The following NSMAF variants were observed in gnomAD, a reference collection of about 807,000 sequenced individuals.
The protein encoded by NSMAF is protein FAN.
A neutral mutation model predicts 134.9 loss-of-function variants in NSMAF; 90 were observed. The observed-to-expected ratio is 0.67, with a 90% CI of 0.56 to 0.79. The LOEUF is 0.79. Ranked by LOEUF, NSMAF falls within the 30% of genes least tolerant of loss-of-function variation. The pLI is 0.00. For synonymous variants in NSMAF, 358 were observed against 389.6 expected (o/e 0.92, Z 0.96); for missense variants, 1,010 against 1,119.0 (o/e 0.90, Z 1.39).
In NSMAF at chr8:58,597,948, T is replaced by A. The variant is rs377706660; in HGVS notation, c.1586-46A>T. 4 of 1,338,016 alleles carry A rather than the reference T, an allele frequency of 3.0e-6. No homozygotes were observed. In the African/African-American group the frequency reaches 5.8e-5, roughly 19 times the overall value. 82.9% of individuals were successfully genotyped at this position (1,338,016 alleles called of 1,614,324 possible). On this transcript the variant is annotated intron_variant, in intron 19 of 30. Coordinates refer to ENST00000038176, the MANE Select transcript of NSMAF (RefSeq NM_003580.4). Reference sequence around the variant, plus strand: ...ACTATTGAAAGATGTGCTATTTCAATGTAATATACACTGTTTAGAACCTAA... The same window carrying A: ...ACTATTGAAAGATGTGCTATTTCAAAGTAATATACACTGTTTAGAACCTAA...
intron 11 of NSMAF, among the ~76,000 whole-genome samples, chr8:58,607,368 C>G (rs992075243): frequency 2.0e-5 from 3 of 152,164 alleles, no homozygotes; most frequent in Non-Finnish European, 2.9e-5. Flanking sequence ...ATACTAGTTC[C>G]ACTAAAGAAG....
rs1806216897 is a variant in NSMAF, at chr8:58,599,263, T to C, written c.1554A>G (p.Gln518=). 1 of 1,614,038 alleles carries C rather than the reference T, an allele frequency of 6.2e-7. No individual in the cohort carries two copies. Among genetic ancestry groups the C allele is most frequent in the African/African-American group, 1.3e-5 (1 of 75,050 alleles). The stretch of plus-strand genomic sequence containing the variant: ...GGGCCCCAACTGCATCACTCCCTTT[T>C]TGTTTGTAGCCAAATATTAGATCAA... ...EWIDLIFGYK[Q]KGSDAVGAHN... is the part of the protein sequence containing the mutation. The change falls in exon 19 of 31, where the codon CAA becomes CAG. Residue 518 remains glutamine, a synonymous_variant. Transcript: ENST00000038176.
chr8:58,627,935 C>T lies in NSMAF; in HGVS notation c.384+3561G>A, dbSNP rs190084106. ...AAGAGCCCAAATAGCCAAAGCAGTA[C>T]TAAGCAAAAAGAACAAATCTGGGGG... On this transcript the variant is annotated intron_variant, in intron 6 of 30. Coordinates refer to ENST00000038176, the MANE Select transcript of NSMAF (RefSeq NM_003580.4). Among the ~76,000 whole-genome samples the T allele has an allele frequency of 2.8e-3, 421 of 152,266 alleles. 2 individuals carry two copies. The highest frequency in any genetic ancestry group is 3.9e-3 in the Non-Finnish European group (267 of 68,006).
intron 6 of NSMAF, among the ~76,000 whole-genome samples, chr8:58,629,865 C>A (rs1050634413): frequency 6.6e-6 from 1 of 152,166 alleles, no homozygotes; most frequent in African/African-American, 2.4e-5. Context: ...GTCTGCTGTA[C>A]CACAGGTCCT....
At chr8:58,584,346 A>G (rs1805835411) in intron 30 of NSMAF, 146 bp from the exon 31 acceptor site, 3 of 622,680 alleles carry the variant, frequency 4.8e-6, no homozygotes, top group Non-Finnish European at 8.6e-6. Context: ...TTCCTATAAT[A>G]AAACCCTTGA....
At chr8:58,609,389 T>A (rs1031028822) in intron 10 of NSMAF, among the ~76,000 whole-genome samples, 18 of 152,172 alleles carry the variant, frequency 1.2e-4, no homozygotes, top group African/African-American at 4.1e-4. Context: ...GCCCCTGACA[T>A]GACTGAAAAC....
intron 1 of NSMAF, among the ~76,000 whole-genome samples, chr8:58,657,572 G>C (rs776903208): frequency 2.4e-4 from 36 of 152,224 alleles, no homozygotes; most frequent in Non-Finnish European, 4.1e-4. Context: ...GTTTCAGAAT[G>C]AATTCTAAGA....
intron 26 of NSMAF, 91 bp downstream of exon 26, chr8:58,589,361 T>C (rs1430666509): frequency 5.4e-5 from 57 of 1,064,482 alleles, no homozygotes; most frequent in Non-Finnish European, 6.8e-5. Flanking sequence ...TTGAGTGGCT[T>C]ATAATATCTG....
Position 58,586,613 on chromosome 8 carries a change from G to A in NSMAF, c.2296-5C>T, listed in dbSNP as rs984172283. On this transcript the variant is annotated splice_region_variant and splice_polypyrimidine_tract_variant and intron_variant, in intron 27 of 30. Coordinates refer to ENST00000038176, the MANE Select transcript of NSMAF (RefSeq NM_003580.4). The stretch of plus-strand genomic sequence containing the variant: ...ATTTAAACTGATTGTATCTACCTAA[G>A]GAAGAAAACACATTGATACATATTC... The A allele has an allele frequency of 6.2e-7, 1 of 1,606,374 alleles. No individual in the cohort carries two copies. Among genetic ancestry groups the A allele is most frequent in the Admixed American group, 1.7e-5 (1 of 58,800 alleles).
Position 58,597,853 on chromosome 8 carries a change from T to G in NSMAF, c.1628+7A>C. ...CAAGTAGAAACTCCTTATTGACATA[T>G]AAGTACCTGTTCAAGTCTACACCTC... On this transcript the variant is annotated splice_region_variant and intron_variant, in intron 20 of 30. Transcript: ENST00000038176. 1 of 1,576,786 alleles carries G rather than the reference T, an allele frequency of 6.3e-7. No homozygotes were observed. The highest frequency in any genetic ancestry group is 8.7e-7 in the Non-Finnish European group (1 of 1,146,828).
rs1393696451 is a variant in NSMAF, at chr8:58,587,713, CAT to C, written c.2212-14_2212-13del. 6.2e-7 allele frequency: 1 copy of C among 1,609,244 alleles called. No homozygotes were observed. Among genetic ancestry groups the C allele is most frequent in the Non-Finnish European group, 8.5e-7 (1 of 1,177,094 alleles). ...ACACCAGACCACACCTAGGATGGAA[CAT>C]ATTGCAGAAGGTATTTTCAAACATT... On this transcript the variant is annotated splice_polypyrimidine_tract_variant and intron_variant, in intron 26 of 30. Coordinates refer to ENST00000038176, the MANE Select transcript of NSMAF (RefSeq NM_003580.4).
chr8:58,600,367 G>A (rs568258443), intron 16 of NSMAF, among the ~76,000 whole-genome samples: 9 of 152,152 alleles, frequency 5.9e-5, no homozygotes, highest in Admixed American at 2.0e-4. Flanking sequence ...GCTCACACCT[G>A]TAATCTCAGT....
intron 30 of NSMAF, 65 bp from the exon 31 acceptor site, chr8:58,584,265 T>C (rs1805833873): frequency 1.8e-6 from 2 of 1,126,470 alleles, no homozygotes; most frequent in African/African-American, 1.5e-5. Context: ...TAAACTTTAC[T>C]CTGATGCTTA....
intron 1 of NSMAF, among the ~76,000 whole-genome samples, chr8:58,656,004 T>C (rs977613486): frequency 2.6e-4 from 39 of 150,262 alleles, no homozygotes; most frequent in African/African-American, 8.4e-4. Flanking sequence ...ATATGGTTCC[T>C]GCTATCTAAA....
At chr8:58,589,875 C>G (rs1805982826) in intron 25 of NSMAF, 132 bp downstream of exon 25, 2 of 716,894 alleles carry the variant, frequency 2.8e-6, no homozygotes, top group Admixed American at 5.7e-5. Context: ...CTGTCCTCAT[C>G]TCTAATATCT....
intron 6 of NSMAF, among the ~76,000 whole-genome samples, chr8:58,625,733 A>G (rs1373446935): frequency 6.6e-6 from 1 of 152,144 alleles, no homozygotes; most frequent in Non-Finnish European, 1.5e-5. Flanking sequence ...GTTTTAATCC[A>G]TTCAGGCACT....
chr8:58,641,259 C>G (rs1327999479), intron 2 of NSMAF, among the ~76,000 whole-genome samples: 1 of 152,142 alleles, frequency 6.6e-6, no homozygotes, highest in African/African-American at 2.4e-5. Flanking sequence ...TATTAAAAAT[C>G]TACAAAAGAT....
chr8:58,647,532 T>G (rs1323589257), intron 1 of NSMAF, among the ~76,000 whole-genome samples: 1 of 152,172 alleles, frequency 6.6e-6, no homozygotes, highest in East Asian at 1.9e-4. Flanking sequence ...TAGGAGGTGA[T>G]TGGATCATGG....
intron 27 of NSMAF, among the ~76,000 whole-genome samples, chr8:58,586,856 G>A (rs1435397257): frequency 6.6e-6 from 1 of 152,180 alleles, no homozygotes; most frequent in Non-Finnish European, 1.5e-5. Context: ...TAAAGGTAAT[G>A]CTGTTTTAAA....
Sources: gnomAD v4.1 joint callset for allele counts (sites outside exome capture counted in the v4.1 genomes callset) on GRCh38, gnomAD v4.1.1 for gene constraint, MANE v1.5 for transcripts, NCBI Gene and HGNC (gene_info 2026-07-23, HGNC 2026-07-21) for gene names.